The following SYDE1 variants were observed in gnomAD, a reference collection of about 807,000 sequenced individuals.
SYDE1 encodes the protein rho GTPase-activating protein SYDE1.
SYDE1 carries 34 observed loss-of-function variants against 63.3 expected under a neutral mutation model. The ratio of observed to expected loss-of-function variants is 0.54; its 90% CI spans 0.41 to 0.71. The LOEUF is 0.71. Among genes scored for constraint, SYDE1 ranks in the 30% least tolerant of loss-of-function variants. The probability of loss-of-function intolerance (pLI) is 0.00; values close to 1 mark genes in which losing one functional copy is unlikely to be tolerated. For missense variants in SYDE1, 925 were observed against 1,042.5 expected (o/e 0.89, Z 1.55); for synonymous variants, 467 against 473.4 (o/e 0.99, Z 0.18).
Position 15,110,119 on chromosome 19 carries a change from G to A in SYDE1, c.846G>A (p.Pro282=). The change falls in exon 3 of 8, where the codon CCG becomes CCA. Residue 282 remains proline (P), a synonymous_variant. Coordinates refer to ENST00000342784, the MANE Select transcript of SYDE1 (RefSeq NM_033025.6). The surrounding 1 kb of genome is among the most constrained non-coding windows in gnomAD (Gnocchi z 6.9). ...GTCTCGGGGGGCTGCGGCCAGCGCC[G>A]GGGGCCACCCCCAGGGACCTCTGCT... is the stretch of plus-strand genomic sequence containing the variant. ...LYGLGGLRPA[P]GATPRDLCCL... The A allele has an allele frequency of 4.3e-6, 6 of 1,404,708 alleles. No homozygotes were observed. The highest frequency in any genetic ancestry group is 5.5e-6 in the Non-Finnish European group (6 of 1,086,026). 87.0% of individuals were successfully genotyped at this position (1,404,708 alleles called of 1,614,324 possible).
chr19:15,114,738 C>T lies in SYDE1; in HGVS notation c.*775C>T. 1 of 179,374 alleles carries T rather than the reference C, an allele frequency of 5.6e-6. No homozygotes were observed. The highest frequency in any genetic ancestry group is 1.2e-5 in the Non-Finnish European group (1 of 85,016). 11.1% of individuals were successfully genotyped at this position (179,374 alleles called of 1,614,324 possible). On this transcript the variant is annotated 3_prime_UTR_variant, in exon 8 of 8. Coordinates refer to ENST00000342784, the MANE Select transcript of SYDE1 (RefSeq NM_033025.6). ...ACGGAACATATTTATTGCCTCCATGCATGTGTGTGTGTGTCTGTGAGGACT... is the reference window on the plus strand; with the variant it reads ...ACGGAACATATTTATTGCCTCCATGTATGTGTGTGTGTGTCTGTGAGGACT...
rs1283539972 is a variant in SYDE1 at position 15,109,288 on chromosome 19, C to T, written c.321C>T (p.Ala107=). The T allele has an allele frequency of 1.2e-6, 2 of 1,613,272 alleles. No homozygotes were observed. Among genetic ancestry groups the T allele is most frequent in the South Asian group, 1.1e-5 (1 of 90,922 alleles). Residue 107 remains alanine, a synonymous_variant, in exon 2 of 8, where the codon GCC becomes GCT. Coordinates refer to ENST00000342784, the MANE Select transcript of SYDE1 (RefSeq NM_033025.6). The surrounding 1 kb of genome is among the most constrained non-coding windows in gnomAD (Gnocchi z 5.0). ...GGGTACCTGGCACTGGGGAGCCCGC[C>T]GGCGAGATCTGGTACAACCCCATCC... The part of the protein sequence containing the change: ...GPGVPGTGEP[A]GEIWYNPIPE...
Position 15,110,439 on chromosome 19 carries a change from C to T in SYDE1, c.1076-82C>T, listed in dbSNP as rs141672547. ...AGTGCCTAGGGGGCTGGGCTCCGGG[C>T]GGAAGGTGTGGCCTGGAGCAGCGAG... On this transcript the variant is annotated intron_variant, in intron 3 of 7. Coordinates refer to ENST00000342784, the MANE Select transcript of SYDE1 (RefSeq NM_033025.6). The surrounding 1 kb of genome is among the most constrained non-coding windows in gnomAD (Gnocchi z 6.9). 0.01 allele frequency: 15,008 copies of T among 1,486,112 alleles called. 107 individuals carry two copies. The highest frequency in any genetic ancestry group is 0.012 in the Non-Finnish European group (12,966 of 1,113,060). The allele number at this position is 1,486,112 out of a possible 1,614,324, so 92.1% of individuals were successfully genotyped here. A position where few individuals can be genotyped will look rare whatever the true frequency, so the allele number is the denominator to read the frequency against.
Position 15,111,418 on chromosome 19 carries a change from C to A in SYDE1, c.1396C>A (p.Pro466Thr), listed in dbSNP as rs756471711. 6.2e-7 allele frequency: 1 copy of A among 1,614,068 alleles called. No individual in the cohort carries two copies. Among genetic ancestry groups the A allele is most frequent in the Non-Finnish European group, 8.5e-7 (1 of 1,179,964 alleles). Residue 466 changes from proline (P) to threonine (T), a missense_variant, in exon 5 of 8, where the codon CCC becomes ACC. Around this residue, in one of 3 missense-constraint regions of SYDE1, gnomAD observed 71 missense variants for 132.8 expected, o/e 0.53. Coordinates refer to ENST00000342784, the MANE Select transcript of SYDE1 (RefSeq NM_033025.6). The surrounding 1 kb of genome is among the most constrained non-coding windows in gnomAD (Gnocchi z 5.5). ...AAVCLSEDLY[P>T]DINVITGILK... ...GGTCTGCCTATCTGAGGACCTGTACCCCGATATCAATGTCATCACTGGTCA... is the reference window on the plus strand; with the variant it reads ...GGTCTGCCTATCTGAGGACCTGTACACCGATATCAATGTCATCACTGGTCA...
chr19:15,109,948 G>A lies in SYDE1; in HGVS notation c.675G>A (p.Pro225=), dbSNP rs1339853376. 5.5e-6 allele frequency: 8 copies of A among 1,465,268 alleles called. No individual in the cohort carries two copies. Among genetic ancestry groups the A allele is most frequent in the South Asian group, 2.7e-5 (2 of 74,682 alleles). 90.8% of individuals were successfully genotyped at this position (1,465,268 alleles called of 1,614,324 possible). Residue 225 remains proline, a synonymous_variant, in exon 3 of 8, where the codon CCG becomes CCA. Coordinates refer to ENST00000342784, the MANE Select transcript of SYDE1 (RefSeq NM_033025.6). The surrounding 1 kb of genome is among the most constrained non-coding windows in gnomAD (Gnocchi z 5.0). Reference sequence around the variant, plus strand: ...CAGGGCCTGGGGGCACCCGGAGCCCGAGGGCCGGTTACCTCAGCGACGGGG... The same window carrying A: ...CAGGGCCTGGGGGCACCCGGAGCCCAAGGGCCGGTTACCTCAGCGACGGGG... ...PAAGPGGTRS[P]RAGYLSDGDS... is the part of the protein sequence containing the mutation.
rs760714406 is a variant in SYDE1, at chr19:15,108,928, A to C, written c.89-128A>C. The C allele has an allele frequency of 7.3e-6, 10 of 1,375,420 alleles. No individual in the cohort carries two copies. Among genetic ancestry groups the C allele is most frequent in the Non-Finnish European group, 9.4e-6 (10 of 1,060,178 alleles). The allele number at this position is 1,375,420 out of a possible 1,614,324, so 85.2% of individuals were successfully genotyped here. A position where few individuals can be genotyped will look rare whatever the true frequency, so the allele number is the denominator to read the frequency against. Reference sequence around the variant, plus strand: ...TATTCCAAACAAAACAGCAGGATCCAAGGAACCATGACTTATCAGGGGCCG... The same window carrying C: ...TATTCCAAACAAAACAGCAGGATCCCAGGAACCATGACTTATCAGGGGCCG... On this transcript the variant is annotated intron_variant, in intron 1 of 7. Transcript: ENST00000342784. The surrounding 1 kb of genome is among the most constrained non-coding windows in gnomAD (Gnocchi z 4.3).
chr19:15,114,286 C>T lies in SYDE1; in HGVS notation c.*323C>T, dbSNP rs1454401377. On this transcript the variant is annotated 3_prime_UTR_variant, in exon 8 of 8. Transcript: ENST00000342784. ...TTGCTAGGCTGGCCTCTCTTGCCTC[C>T]CCTTGGCCGGGGCAACACCAGTTAC... 7 of 339,804 alleles carry T rather than the reference C, an allele frequency of 2.1e-5. No individual in the cohort carries two copies. Among genetic ancestry groups the T allele is most frequent in the Non-Finnish European group, 3.3e-5 (6 of 183,086 alleles). The allele number at this position is 339,804 out of a possible 1,614,324, so 21.0% of individuals were successfully genotyped here. A position where few individuals can be genotyped will look rare whatever the true frequency, so the allele number is the denominator to read the frequency against.
rs1599320936 is a variant in SYDE1 at position 15,108,391 on chromosome 19, A to C, written c.89-665A>C. 6.6e-6 allele frequency among the ~76,000 whole-genome samples: 1 copy of C among 152,262 alleles called. No individual in the cohort carries two copies. The highest frequency in any genetic ancestry group is 1.5e-5 in the Non-Finnish European group (1 of 68,018). ...CAGGAAACAGCCCAGGACATGAGACAGGAGAGGAGGGAGGGAAGGGGAAGT... is the reference window on the plus strand; with the variant it reads ...CAGGAAACAGCCCAGGACATGAGACCGGAGAGGAGGGAGGGAAGGGGAAGT... On this transcript the variant is annotated intron_variant, in intron 1 of 7. Coordinates refer to ENST00000342784, the MANE Select transcript of SYDE1 (RefSeq NM_033025.6). This position sits in a 1 kb window ranked among gnomAD's most constrained non-coding sequence, Gnocchi z 4.3.
chr19:15,114,091 C>A lies in SYDE1; in HGVS notation c.*128C>A. The A allele has an allele frequency of 1.1e-6, 1 of 904,254 alleles. No homozygotes were observed. Among genetic ancestry groups the A allele is most frequent in the Non-Finnish European group, 1.7e-6 (1 of 590,332 alleles). 56.0% of individuals were successfully genotyped at this position (904,254 alleles called of 1,614,324 possible). On this transcript the variant is annotated 3_prime_UTR_variant, in exon 8 of 8. Transcript: ENST00000342784. ...GCTCCTGGTTGCCAGCGAGTTACCA[C>A]GGGACCAGTCGCGTGTATGGCTGAG...
intron 7 of SYDE1, among the ~76,000 whole-genome samples, chr19:15,113,131 T>C (rs1412637514): frequency 1.3e-5 from 2 of 152,234 alleles, no homozygotes; most frequent in Non-Finnish European, 1.5e-5. Flanking sequence ...CTTGAACTCC[T>C]GACCTCAAGT....
Position 15,110,221 on chromosome 19 carries a change from C to A in SYDE1, c.948C>A (p.Asp316Glu). 7.0e-7 allele frequency: 1 copy of A among 1,419,296 alleles called. No homozygotes were observed. The highest frequency in any genetic ancestry group is 9.2e-7 in the Non-Finnish European group (1 of 1,089,416). 87.9% of individuals were successfully genotyped at this position (1,419,296 alleles called of 1,614,324 possible). The change falls in exon 3 of 8, where the codon GAC becomes GAA. Residue 316 changes from aspartate (D) to glutamate (E), a missense_variant. Asp to Glu is a conservative substitution (Grantham distance 45). This residue lies in a region of SYDE1 where 599 missense variants were observed against 653.7 expected (regional missense o/e 0.92). Transcript: ENST00000342784. This position sits in a 1 kb window ranked among gnomAD's most constrained non-coding sequence, Gnocchi z 6.9. The part of the protein sequence containing the change: ...LRGGPDFLRL[D>E]HTFHLELEAA... ...GGGGGCCGGACTTCCTGCGGCTGGA[C>A]CACACCTTCCACCTGGAGCTGGAGG...
intron 1 of SYDE1, 58 bp downstream of exon 1, chr19:15,107,579 G>A (rs1468534790): frequency 3.7e-6 from 5 of 1,349,778 alleles, no homozygotes; most frequent in Non-Finnish European, 5.1e-6. Flanking sequence ...CTGGGAGCGG[G>A]GTCCCAGGGC....
chr19:15,108,694 G>C lies in SYDE1; in HGVS notation c.89-362G>C, dbSNP rs117777536. 5.4e-4 allele frequency: 114 copies of C among 212,052 alleles called. 2 individuals are homozygous for C. The East Asian group carries it at 0.011, about 20-fold the overall frequency. 13.1% of individuals were successfully genotyped at this position (212,052 alleles called of 1,614,324 possible). On this transcript the variant is annotated intron_variant, in intron 1 of 7. Transcript: ENST00000342784. The surrounding 1 kb of genome is among the most constrained non-coding windows in gnomAD (Gnocchi z 4.3). ...GATACTGAGCCTCAGAGAGGGAAGC[G>C]ACTTGCCCAAGGCCACGCAGGTGCA...
Position 15,111,337 on chromosome 19 carries a change from G to A in SYDE1, c.1315G>A (p.Gly439Ser). ...LRVVGLYRLC[G>S]SAAVKKELRD... ...GGTAGTGGGACTGTACCGTCTTTGTGGCTCAGCGGCAGTGAAGAAAGAGCT... is the reference window on the plus strand; with the variant it reads ...GGTAGTGGGACTGTACCGTCTTTGTAGCTCAGCGGCAGTGAAGAAAGAGCT... Residue 439 changes from glycine to serine, a missense_variant, in exon 5 of 8, where the codon GGC becomes AGC. Around this residue, in one of 3 missense-constraint regions of SYDE1, gnomAD observed 599 missense variants for 653.7 expected, o/e 0.92. Coordinates refer to ENST00000342784, the MANE Select transcript of SYDE1 (RefSeq NM_033025.6). The surrounding 1 kb of genome is among the most constrained non-coding windows in gnomAD (Gnocchi z 5.5). The A allele has an allele frequency of 6.2e-7, 1 of 1,614,128 alleles. No individual in the cohort carries two copies. Among genetic ancestry groups the A allele is most frequent in the Non-Finnish European group, 8.5e-7 (1 of 1,180,016 alleles).
Position 15,112,830 on chromosome 19 carries a change from C to T in SYDE1, c.1804+259C>T, listed in dbSNP as rs546137120. On this transcript the variant is annotated intron_variant, in intron 7 of 7. Coordinates refer to ENST00000342784, the MANE Select transcript of SYDE1 (RefSeq NM_033025.6). ...AACGCATGATCTCAAGCCATCCTTC[C>T]GCCTCAGCCTCCCAAAGTACTGGGA... 3.3e-4 allele frequency among the ~76,000 whole-genome samples: 50 copies of T among 152,318 alleles called. 2 individuals are homozygous for T. The South Asian group carries it at 8.7e-3, about 27-fold the overall frequency.
chr19:15,114,123 TC>T lies in SYDE1; in HGVS notation c.*163del. ...AGTCGCGTGTATGGCTGAGACTCAT[TC>T]CCAGTTTCCAGGGCCCGGTATTTGG... On this transcript the variant is annotated 3_prime_UTR_variant, in exon 8 of 8. Coordinates refer to ENST00000342784, the MANE Select transcript of SYDE1 (RefSeq NM_033025.6). The T allele has an allele frequency of 1.4e-6, 1 of 699,126 alleles. No homozygotes were observed. Among genetic ancestry groups the T allele is most frequent in the Non-Finnish European group, 2.4e-6 (1 of 423,890 alleles). The allele number at this position is 699,126 out of a possible 1,614,324, so 43.3% of individuals were successfully genotyped here. A position where few individuals can be genotyped will look rare whatever the true frequency, so the allele number is the denominator to read the frequency against.
At position 15,110,324 on chromosome 19, in the gene SYDE1, G is replaced by C. The variant is rs1599323067; in HGVS notation, c.1051G>C (p.Val351Leu). 6.3e-6 allele frequency: 9 copies of C among 1,429,568 alleles called. No homozygotes were observed. The highest frequency in any genetic ancestry group is 8.2e-6 in the Non-Finnish European group (9 of 1,093,252). 88.6% of individuals were successfully genotyped at this position (1,429,568 alleles called of 1,614,324 possible). Residue 351 changes from valine to leucine, a missense_variant, in exon 3 of 8, where the codon GTG becomes CTG. Transcript: ENST00000342784. The surrounding 1 kb of genome is among the most constrained non-coding windows in gnomAD (Gnocchi z 6.9). ...GCACCGGCCCTGTGCCCAGGGCACC[G>C]TGCTGCTGCCCACGGTCTTCCGAGG... ...RRHRPCAQGTVLLPTVFRGCQ... is the reference protein window; with the variant it reads ...RRHRPCAQGTLLLPTVFRGCQ...
rs1183673647 is a variant in SYDE1 at position 15,109,022 on chromosome 19, C to A, written c.89-34C>A. The A allele has an allele frequency of 2.1e-6, 3 of 1,451,884 alleles. No individual in the cohort carries two copies. In the South Asian group the frequency reaches 4.3e-5, roughly 21 times the overall value. 89.9% of individuals were successfully genotyped at this position (1,451,884 alleles called of 1,614,324 possible). ...GGGCTGCTCTGCAGGCAGTGAGGGG[C>A]TGGGTGGGTCTCACTCCCCTTGCTC... On this transcript the variant is annotated intron_variant, in intron 1 of 7. Coordinates refer to ENST00000342784, the MANE Select transcript of SYDE1 (RefSeq NM_033025.6). This position sits in a 1 kb window ranked among gnomAD's most constrained non-coding sequence, Gnocchi z 5.0.
At chr19:15,107,562 AC>A in intron 1 of SYDE1, 41 bp downstream of exon 1, 1 of 1,465,908 alleles carries the variant, frequency 6.8e-7, no homozygotes, top group Non-Finnish European at 9.3e-7. Context: ...GCCGAGCCCC[AC>A]CCGGCCTGGG....
Sources: allele counts gnomAD v4.1 joint callset (sites outside exome capture counted in the v4.1 genomes callset), GRCh38; gene constraint gnomAD v4.1.1; regional missense constraint gnomAD v4.1.1; non-coding constraint Gnocchi (gnomAD v3.1); transcripts MANE v1.5; gene names NCBI Gene and HGNC (gene_info 2026-07-23, HGNC 2026-07-21).